The following BLTP3B variants were observed in gnomAD, a reference collection of about 807,000 sequenced individuals.
BLTP3B encodes bridge-like lipid transfer protein family member 3B.
the BLTP3B span, among the ~76,000 whole-genome samples, chr12:100,124,970 A>ATATATATT: frequency 2.0e-5 from 2 of 101,080 alleles, no homozygotes; most frequent in African/African-American, 1.1e-4. Context: ...ATATATATAT[A>ATATATATT]TATATATATT....
At chr12:100,047,829 ATT>A in the BLTP3B span, 1 of 1,207,986 alleles carries the variant, frequency 8.3e-7, no homozygotes, top group African/African-American at 1.5e-5. Flanking sequence ...AGACAAAATC[ATT>A]TTAATAAATG....
the BLTP3B span, among the ~76,000 whole-genome samples, chr12:100,068,446 T>C: frequency 6.6e-6 from 1 of 152,228 alleles, no homozygotes; most frequent in Non-Finnish European, 1.5e-5. Flanking sequence ...ACACGAGGAT[T>C]TCATGACCAA....
chr12:100,115,494 C>T, the BLTP3B span, among the ~76,000 whole-genome samples: 7 of 152,182 alleles, frequency 4.6e-5, no homozygotes, highest in East Asian at 3.8e-4. Context: ...ATAGGCCGGG[C>T]GTCGTGGCTC....
At chr12:100,089,983 T>C in the BLTP3B span, among the ~76,000 whole-genome samples, 3 of 152,196 alleles carry the variant, frequency 2.0e-5, no homozygotes, top group Non-Finnish European at 4.4e-5. Flanking sequence ...TTCCTCATTG[T>C]TTCTTTGACT....
At chr12:100,039,718 C>T in the BLTP3B span, 7 of 1,613,968 alleles carry the variant, frequency 4.3e-6, no homozygotes, top group Non-Finnish European at 5.9e-6. Flanking sequence ...TCATACTTTC[C>T]ACTGGTCAGC....
chr12:100,062,555 G>C, the BLTP3B span, among the ~76,000 whole-genome samples: 12 of 151,984 alleles, frequency 7.9e-5, no homozygotes, highest in Non-Finnish European at 7.4e-5. Flanking sequence ...GTATCTACAG[G>C]GGTCAAGTTT....
chr12:100,132,837 A>C, the BLTP3B span, among the ~76,000 whole-genome samples: 1 of 151,824 alleles, frequency 6.6e-6, no homozygotes, highest in Non-Finnish European at 1.5e-5. Context: ...AATCCCAGCT[A>C]CTCCGGAGGC....
the BLTP3B span, chr12:100,057,511 C>A: frequency 7.3e-7 from 1 of 1,367,382 alleles, no homozygotes; most frequent in South Asian, 1.6e-5. Flanking sequence ...CTAAAAGCAT[C>A]CCTTTTCTCC....
At chr12:100,087,233 C>A in the BLTP3B span, among the ~76,000 whole-genome samples, 1 of 150,348 alleles carries the variant, frequency 6.7e-6, no homozygotes, top group African/African-American at 2.5e-5. Flanking sequence ...AGTCACACAG[C>A]TATAGTAAAA....
the BLTP3B span, chr12:100,058,744 C>T: frequency 6.2e-7 from 1 of 1,613,942 alleles, no homozygotes; most frequent in East Asian, 2.2e-5. Flanking sequence ...ACAGCTTCTA[C>T]ATCTTTCCTT....
chr12:100,074,831 CAG>C, the BLTP3B span, among the ~76,000 whole-genome samples: 2 of 151,986 alleles, frequency 1.3e-5, no homozygotes, highest in Non-Finnish European at 2.9e-5. Flanking sequence ...GATACAAAAA[CAG>C]AGACATAGAT....
At chr12:100,109,987 A>G in the BLTP3B span, among the ~76,000 whole-genome samples, 20 of 152,330 alleles carry the variant, frequency 1.3e-4, no homozygotes, top group Middle Eastern at 6.8e-3. Flanking sequence ...CAATGAAAAT[A>G]CATTACACAT....
chr12:100,037,316 C>T, the BLTP3B span: 14 of 1,014,208 alleles, frequency 1.4e-5, no homozygotes, highest in African/African-American at 3.5e-5. Flanking sequence ...TAAAAAATGC[C>T]GAAAATGAGA....
the BLTP3B span, chr12:100,070,193 C>A: frequency 6.4e-7 from 1 of 1,558,772 alleles, no homozygotes; most frequent in Non-Finnish European, 8.7e-7. Flanking sequence ...ATGAGAAACA[C>A]ACACAGATAA....
At chr12:100,070,174 G>T in the BLTP3B span, 1 of 1,560,520 alleles carries the variant, frequency 6.4e-7, no homozygotes, top group Non-Finnish European at 8.7e-7. Context: ...AGGCAGCTGA[G>T]AGAAACAAAT....
chr12:100,075,691 C>T, the BLTP3B span, among the ~76,000 whole-genome samples: 1 of 152,162 alleles, frequency 6.6e-6, no homozygotes, highest in Non-Finnish European at 1.5e-5. Context: ...ACACACACTT[C>T]TCAAAAGAAG....
the BLTP3B span, among the ~76,000 whole-genome samples, chr12:100,086,730 T>C: frequency 6.6e-6 from 1 of 152,226 alleles, no homozygotes; most frequent in African/African-American, 2.4e-5. Flanking sequence ...ATAGGTACAA[T>C]CATTATTATC....
the BLTP3B span, among the ~76,000 whole-genome samples, chr12:100,114,895 C>T: frequency 6.6e-6 from 1 of 152,162 alleles, no homozygotes; most frequent in African/African-American, 2.4e-5. Flanking sequence ...TCCTGTCACT[C>T]CAGGTGTACC....
At chr12:100,102,186 T>C in the BLTP3B span, among the ~76,000 whole-genome samples, 1,483 of 150,332 alleles carry the variant, frequency 9.9e-3, 33 homozygotes, top group African/African-American at 0.034. Context: ...CTTGGCTCAC[T>C]ATAACCTCCG....
Sources: allele counts gnomAD v4.1 joint callset (sites outside exome capture counted in the v4.1 genomes callset), GRCh38; gene constraint gnomAD v4.1.1; transcripts MANE v1.5; gene names NCBI Gene and HGNC (gene_info 2026-07-23, HGNC 2026-07-21).